Variants in CEP126 observed in about 807,000 individuals in gnomAD.
CEP126 encodes centrosomal protein of 126 kDa.
Under a neutral mutation model 107.8 loss-of-function variants are expected in CEP126, and 74 were observed. The observed-to-expected ratio is 0.69, with a 90% confidence interval of 0.57 to 0.83. The LOEUF (loss-of-function observed/expected upper bound fraction) is 0.83. Ranked by LOEUF, CEP126 falls within the 40% of genes least tolerant of loss-of-function variation. The probability of loss-of-function intolerance (pLI) is 0.00; values close to 1 mark genes in which losing one functional copy is unlikely to be tolerated. For synonymous variants in CEP126, 449 were observed against 446.0 expected, an observed-to-expected ratio of 1.01 and a Z score of -0.08; for missense variants, 1,237 against 1,281.9, an observed-to-expected ratio of 0.96 and a Z score of 0.53.
At position 101,986,954 on chromosome 11, in the gene CEP126, A is replaced by G; in HGVS notation, c.3157A>G (p.Lys1053Glu). ...QIQKSNLPLNKTQQFNICTLS... is the reference protein window; with the variant it reads ...QIQKSNLPLNETQQFNICTLS... ...ACAGAAATCAAATCTACCTTTAAAT[A>G]AAACTCAACAATTCAACATCTGCAC... The change falls in exon 9 of 11, where the codon AAA becomes GAA. Residue 1053 changes from lysine (K) to glutamate (E), a missense_variant. By Grantham distance (56) the Lys-to-Glu change is moderately conservative. Coordinates refer to ENST00000263468, the MANE Select transcript of CEP126 (RefSeq NM_020802.4). 1 of 1,613,848 alleles carries G rather than the reference A, an allele frequency of 6.2e-7. No individual in the cohort carries two copies. Among genetic ancestry groups the G allele is most frequent in the South Asian group, 1.1e-5 (1 of 91,084 alleles).
chr11:101,969,424 G>A (rs1429044729), intron 6 of CEP126, among the ~76,000 whole-genome samples: 2 of 152,172 alleles, frequency 1.3e-5, no homozygotes, highest in Non-Finnish European at 2.9e-5. Context: ...ACACTGTTGA[G>A]AGAACTTAAA....
intron 6 of CEP126, among the ~76,000 whole-genome samples, chr11:101,976,885 C>A (rs533720673): frequency 6.6e-6 from 1 of 152,248 alleles, no homozygotes; most frequent in African/African-American, 2.4e-5. Flanking sequence ...GCTATACATA[C>A]AAGTTAAGCA....
At chr11:101,979,163 A>G (rs1314316387) in intron 7 of CEP126, among the ~76,000 whole-genome samples, 2 of 152,058 alleles carry the variant, frequency 1.3e-5, no homozygotes, top group Non-Finnish European at 2.9e-5. Context: ...GCTAATCATA[A>G]AGACAACTAT....
intron 7 of CEP126, among the ~76,000 whole-genome samples, chr11:101,979,338 C>G (rs569121642): frequency 3.5e-4 from 53 of 152,062 alleles, no homozygotes; most frequent in Non-Finnish European, 6.5e-4. Flanking sequence ...TCATAGGGAA[C>G]TTTGAAATAC....
At chr11:101,988,520 A>T (rs1003999582) in intron 9 of CEP126, among the ~76,000 whole-genome samples, 2 of 152,190 alleles carry the variant, frequency 1.3e-5, no homozygotes, top group African/African-American at 4.8e-5. Flanking sequence ...CAGATTCAAC[A>T]ACCCAACACA....
Position 101,962,978 on chromosome 11 carries a change from C to T in CEP126, c.1943C>T (p.Ser648Leu). Residue 648 changes from serine (S) to leucine (L), a missense_variant, in exon 6 of 11, where the codon TCA (serine) becomes TTA (leucine). Ser to Leu is a moderately radical substitution (Grantham distance 145). Around this residue, in one of 3 missense-constraint regions of CEP126, gnomAD observed 1,134 missense variants for 1,150.5 expected, o/e 0.99. Transcript: ENST00000263468. Reference sequence around the variant, plus strand: ...GAAAACAATGCTGAAAACAGTCATTCACTGAAGAATAAAACAGGAACAACT... The same window carrying T: ...GAAAACAATGCTGAAAACAGTCATTTACTGAAGAATAAAACAGGAACAACT... ...NIENNAENSH[S>L]LKNKTGTTQQ... 6.2e-7 allele frequency: 1 copy of T among 1,612,656 alleles called. No homozygotes were observed. The highest frequency in any genetic ancestry group is 8.5e-7 in the Non-Finnish European group (1 of 1,179,620).
Position 101,944,380 on chromosome 11 carries a change from C to T in CEP126, c.364C>T (p.His122Tyr). 1.2e-6 allele frequency: 2 copies of T among 1,611,484 alleles called. No individual in the cohort carries two copies. The highest frequency in any genetic ancestry group is 1.7e-6 in the Non-Finnish European group (2 of 1,179,044). ...EEVTEKFQRA[H>Y]VPLSQRRKAV... ...AGTTACTGAAAAATTCCAGCGTGCC[C>T]ATGTTCCTCTTTCACAGCGGAGGAA... Residue 122 changes from histidine (H) to tyrosine (Y), a missense_variant, in exon 3 of 11, where the codon CAT becomes TAT. Physicochemically the swap from His to Tyr is moderately conservative, Grantham distance 83. This residue lies in a region of CEP126 where 1,134 missense variants were observed against 1,150.5 expected (regional missense o/e 0.99). Transcript: ENST00000263468.
intron 4 of CEP126, among the ~76,000 whole-genome samples, chr11:101,950,234 A>G (rs1940793074): frequency 6.6e-6 from 1 of 152,200 alleles, no homozygotes; most frequent in Non-Finnish European, 1.5e-5. Context: ...TGAGTTGAAG[A>G]GAAATGGAGA....
At chr11:101,936,431 T>A (rs1276414177) in intron 2 of CEP126, among the ~76,000 whole-genome samples, 1 of 152,116 alleles carries the variant, frequency 6.6e-6, no homozygotes. Flanking sequence ...TAAGAACTTG[T>A]TAAATTTTCT....
chr11:101,944,308 CA>C lies in CEP126; in HGVS notation c.295del (p.Ile99LeufsTer42). On this transcript the variant is annotated frameshift_variant, in exon 3 of 11. Coordinates refer to ENST00000263468, the MANE Select transcript of CEP126 (RefSeq NM_020802.4). LOFTEE classifies it high-confidence loss of function. ...KRKEQEEKEH[Q>X]IREQILQQRK... is the part of the protein sequence containing the mutation. ...AAAAGAACAGGAAGAAAAAGAACAC[CA>C]AATTAGAGAACAAATACTTCAACAA... 1 of 1,608,470 alleles carries C rather than the reference CA, an allele frequency of 6.2e-7. No individual in the cohort carries two copies. Among genetic ancestry groups the C allele is most frequent in the South Asian group, 1.1e-5 (1 of 89,492 alleles).
chr11:101,927,412 T>C (rs1226822299), intron 2 of CEP126, among the ~76,000 whole-genome samples: 1 of 152,232 alleles, frequency 6.6e-6, no homozygotes, highest in Non-Finnish European at 1.5e-5. Context: ...ATATACCTTT[T>C]ACCCAGTTTC....
intron 1 of CEP126, 35 bp downstream of exon 1, chr11:101,915,447 A>T: frequency 6.3e-7 from 1 of 1,584,342 alleles, no homozygotes; most frequent in South Asian, 1.1e-5. Context: ...CAGGGTAGCG[A>T]TGTTGAAAAC....
chr11:101,997,622 C>A lies in CEP126; in HGVS notation c.3333C>A (p.Ser1111Arg), dbSNP rs1291262605. The change falls in exon 11 of 11, where the codon AGC becomes AGA. Residue 1111 changes from serine (S) to arginine (R), a missense_variant. Around this residue, in one of 3 missense-constraint regions of CEP126, gnomAD observed 99 missense variants for 114.4 expected, o/e 0.87. Transcript: ENST00000263468. ...AGGAGAAGAGAGAAGATAGAACCAG[C>A]AGCTGCAGAGACAAGAGATAATTCC... Reference protein sequence around the residue: ...PLLEKREDRTSSCRDKR With the variant: ...PLLEKREDRTRSCRDKR 6.2e-7 allele frequency: 1 copy of A among 1,613,728 alleles called. No homozygotes were observed. The highest frequency in any genetic ancestry group is 1.3e-5 in the African/African-American group (1 of 75,032).
chr11:101,940,727 C>G (rs1233642289), intron 2 of CEP126, among the ~76,000 whole-genome samples: 1 of 152,212 alleles, frequency 6.6e-6, no homozygotes, highest in African/African-American at 2.4e-5. Flanking sequence ...CCAGTGCTGT[C>G]TGTCCTGTTA....
Position 101,963,878 on chromosome 11 carries a change from C to T in CEP126, c.2843C>T (p.Thr948Ile). The stretch of plus-strand genomic sequence containing the variant: ...GTCCTGCATCAAAATAAGAGGGCTA[C>T]AGGTAAGAATAAATTTATAGCTTTT... ...PNVLHQNKRA[T>I]GSTVMRRKRI... is the part of the protein sequence containing the mutation. Residue 948 changes from threonine to isoleucine, a missense_variant and splice_region_variant, in exon 6 of 11, where the codon ACA (threonine) becomes ATA (isoleucine). Physicochemically the swap from Thr to Ile is moderately conservative, Grantham distance 89 (BLOSUM62 -1). Coordinates refer to ENST00000263468, the MANE Select transcript of CEP126 (RefSeq NM_020802.4). 1 of 1,572,888 alleles carries T rather than the reference C, an allele frequency of 6.4e-7. No individual in the cohort carries two copies.
In CEP126 at chr11:101,963,320, C is replaced by T; in HGVS notation, c.2285C>T (p.Ser762Phe). ...GRAKIIRKPGSAKVQSGFICT... is the reference protein window; with the variant it reads ...GRAKIIRKPGFAKVQSGFICT... The stretch of plus-strand genomic sequence containing the variant: ...GCAAAAATAATTAGAAAACCAGGAT[C>T]TGCAAAAGTCCAATCAGGCTTTATA... The change falls in exon 6 of 11, where the codon TCT becomes TTT. Residue 762 changes from serine (S) to phenylalanine (F), a missense_variant. By Grantham distance (155) the Ser-to-Phe change is radical (BLOSUM62 -2). This residue lies in a region of CEP126 where 1,134 missense variants were observed against 1,150.5 expected (regional missense o/e 0.99). Coordinates refer to ENST00000263468, the MANE Select transcript of CEP126 (RefSeq NM_020802.4). The T allele has an allele frequency of 6.2e-7, 1 of 1,613,856 alleles. No individual in the cohort carries two copies. Among genetic ancestry groups the T allele is most frequent in the South Asian group, 1.1e-5 (1 of 91,040 alleles).
chr11:101,924,087 A>ATGT (rs1940371905), intron 2 of CEP126, among the ~76,000 whole-genome samples: 1 of 152,218 alleles, frequency 6.6e-6, no homozygotes, highest in African/African-American at 2.4e-5. Context: ...CTCTCATCAA[A>ATGT]TGTAAGAATT....
chr11:101,930,736 A>G (rs913778621), intron 2 of CEP126, among the ~76,000 whole-genome samples: 2 of 152,142 alleles, frequency 1.3e-5, no homozygotes, highest in African/African-American at 4.8e-5. Flanking sequence ...GGGCATTACA[A>G]TCCTCTAGCT....
chr11:101,984,489 GT>G (rs1456624124), intron 8 of CEP126, among the ~76,000 whole-genome samples: 5 of 152,144 alleles, frequency 3.3e-5, no homozygotes, highest in Admixed American at 3.3e-4. Context: ...GACTCCAGGT[GT>G]TTTCATTGAC....
Sources: gnomAD v4.1 joint callset for allele counts (sites outside exome capture counted in the v4.1 genomes callset) on GRCh38, gnomAD v4.1.1 for gene constraint, gnomAD v4.1.1 regional missense constraint, MANE v1.5 for transcripts, NCBI Gene and HGNC (gene_info 2026-07-23, HGNC 2026-07-21) for gene names.